CPM: variants seen among roughly 807,000 people sequenced by gnomAD.
CPM encodes the protein renal carboxypeptidase.
A neutral mutation model predicts 46.4 loss-of-function variants in CPM; 35 were observed. The observed-to-expected ratio is 0.75, with a 90% CI of 0.58 to 1.00. The LOEUF (loss-of-function observed/expected upper bound fraction) is 1.00. Ranked by LOEUF, CPM falls within the 50% of genes least tolerant of loss-of-function variation. The pLI is 0.00. For synonymous variants in CPM, 195 were observed against 195.3 expected (o/e 1.00, Z 0.01); for missense variants, 422 against 530.4 (o/e 0.80, Z 2.01).
chr12:68,912,686 T>G (rs1887647749), intron 2 of CPM, among the ~76,000 whole-genome samples: 1 of 152,164 alleles, frequency 6.6e-6, no homozygotes, highest in Non-Finnish European at 1.5e-5. Flanking sequence ...CTCTACTCCT[T>G]TAACTTACTC....
intron 7 of CPM, among the ~76,000 whole-genome samples, chr12:68,863,660 A>G (rs1885307686): frequency 6.6e-6 from 1 of 152,188 alleles, no homozygotes; most frequent in Non-Finnish European, 1.5e-5. Flanking sequence ...GATTGCAAAC[A>G]TCGCCAGATG....
chr12:68,923,197 GTGTGTGTGTGTGTGTGTTT>G (rs1888112467), intron 2 of CPM, among the ~76,000 whole-genome samples: 1 of 144,478 alleles, frequency 6.9e-6, no homozygotes, highest in African/African-American at 2.5e-5. Context: ...GTGTGTGTGT[GTGTGTGTGTGTGTGTGTTT>G]TGAGTAATTT....
chr12:68,916,374 T>A (rs1887804331), intron 2 of CPM, among the ~76,000 whole-genome samples: 1 of 152,202 alleles, frequency 6.6e-6, no homozygotes, highest in African/African-American at 2.4e-5. Flanking sequence ...ACATTTCTAA[T>A]AAGTTTTAGA....
intron 3 of CPM, among the ~76,000 whole-genome samples, chr12:68,875,502 C>T (rs549195573): frequency 4.0e-5 from 6 of 151,790 alleles, no homozygotes; most frequent in Admixed American, 1.3e-4. Flanking sequence ...TTTTTCTTAA[C>T]TTTAGAAAAA....
At chr12:68,859,279 T>C (rs1885109493) in intron 7 of CPM, among the ~76,000 whole-genome samples, 2 of 152,304 alleles carry the variant, frequency 1.3e-5, no homozygotes, top group South Asian at 4.1e-4. Context: ...CTTAAATTTG[T>C]TCGTTGTTGA....
At chr12:68,874,761 T>C (rs1885867373) in intron 3 of CPM, among the ~76,000 whole-genome samples, 1 of 152,132 alleles carries the variant, frequency 6.6e-6, no homozygotes, top group South Asian at 2.1e-4. Flanking sequence ...GAGGCCATAG[T>C]ATGGTTCAAT....
chr12:68,894,083 C>T (rs1259296916), intron 2 of CPM, among the ~76,000 whole-genome samples: 1 of 152,154 alleles, frequency 6.6e-6, no homozygotes, highest in Non-Finnish European at 1.5e-5. Context: ...CTCCACCCCA[C>T]CCCTTGGCTG....
At chr12:68,905,484 T>C (rs1336847857) in intron 2 of CPM, among the ~76,000 whole-genome samples, 1 of 151,984 alleles carries the variant, frequency 6.6e-6, no homozygotes, top group African/African-American at 2.4e-5. Flanking sequence ...TCTTGCTATG[T>C]TGCCCAGGCT....
intron 5 of CPM, chr12:68,843,521 T>A (rs183077346): frequency 4.4e-6 from 1 of 226,312 alleles, no homozygotes; most frequent in Admixed American, 5.7e-5. Flanking sequence ...GATTTATATT[T>A]AAATATGAAT....
At chr12:68,904,542 G>T (rs1425064868) in intron 2 of CPM, among the ~76,000 whole-genome samples, 1 of 152,208 alleles carries the variant, frequency 6.6e-6, no homozygotes, top group African/African-American at 2.4e-5. Flanking sequence ...AACAAGATTC[G>T]CCAAGGTTTT....
rs536727392 is a variant in CPM, at chr12:68,947,733, T to C, written c.-3-14893A>G. ...AATCAGGGCTGACTGCAACCTTGAC[T>C]TCCCAGGCTTAAGGGCTCCTACTGC... On this transcript the variant is annotated intron_variant, in intron 1 of 8. Transcript: ENST00000546373. Among the ~76,000 whole-genome samples the C allele has an allele frequency of 4.6e-5, 7 of 152,182 alleles. No homozygotes were observed. In the South Asian group the frequency reaches 1.5e-3, roughly 32 times the overall value.
chr12:68,910,980 T>A (rs1887571142), intron 2 of CPM, among the ~76,000 whole-genome samples: 1 of 151,994 alleles, frequency 6.6e-6, no homozygotes, highest in South Asian at 2.1e-4. Context: ...GAAAAAAAAA[T>A]ACCTTGTTTT....
At position 68,863,662 on chromosome 12, in the gene CPM, C is replaced by T. The variant is rs2120741; in HGVS notation, c.940+3234G>A. On this transcript the variant is annotated intron_variant, in intron 7 of 8. Transcript: ENST00000551568. The stretch of plus-strand genomic sequence containing the variant: ...AGTGCTTGCTCAAGATTGCAAACAT[C>T]GCCAGATGACAAAACAGCTTGGGCT... 5.6e-3 allele frequency among the ~76,000 whole-genome samples: 845 copies of T among 152,086 alleles called. 10 individuals carry two copies. Among genetic ancestry groups the T allele is most frequent in the African/African-American group, 0.019 (797 of 41,480 alleles).
At chr12:68,912,475 G>A (rs532616283) in intron 2 of CPM, among the ~76,000 whole-genome samples, 4 of 152,134 alleles carry the variant, frequency 2.6e-5, no homozygotes, top group East Asian at 1.9e-4. Flanking sequence ...GGACCCTACC[G>A]TCTAACTTAG....
chr12:68,845,475 A>G (rs1884217229), intron 5 of CPM: 1 of 205,740 alleles, frequency 4.9e-6, no homozygotes, highest in South Asian at 1.9e-4. Flanking sequence ...TGCATCTGAA[A>G]TGATTGCTGT....
chr12:68,900,150 A>T (rs1887054172), intron 2 of CPM, among the ~76,000 whole-genome samples: 1 of 152,242 alleles, frequency 6.6e-6, no homozygotes, highest in Non-Finnish European at 1.5e-5. Flanking sequence ...TATCCAAAAT[A>T]CAGAAAGAAT....
chr12:68,876,870 G>A (rs976461100), intron 3 of CPM, among the ~76,000 whole-genome samples: 2 of 149,196 alleles, frequency 1.3e-5, no homozygotes, highest in Non-Finnish European at 3.0e-5. Context: ...GTTGTGTGGT[G>A]TGTGTGTGTG....
chr12:68,889,137 C>A (rs1236939737), intron 2 of CPM, among the ~76,000 whole-genome samples: 1 of 152,144 alleles, frequency 6.6e-6, no homozygotes, highest in Non-Finnish European at 1.5e-5. Context: ...TTGGGAGGCT[C>A]ATTAAAGTTT....
intron 1 of CPM, among the ~76,000 whole-genome samples, chr12:68,944,061 C>A (rs1327522148): frequency 1.3e-5 from 2 of 152,106 alleles, no homozygotes; most frequent in Non-Finnish European, 2.9e-5. Flanking sequence ...TTTTCAATGA[C>A]CCTTTTGAAA....
Sources: gnomAD v4.1 joint callset for allele counts (sites outside exome capture counted in the v4.1 genomes callset) on GRCh38, gnomAD v4.1.1 for gene constraint, MANE v1.5 for transcripts, NCBI Gene and HGNC (gene_info 2026-07-23, HGNC 2026-07-21) for gene names.